The following TTN variants were observed in gnomAD, a reference collection of about 807,000 sequenced individuals.
TTN encodes the protein connectin.
In TTN, 1,525 loss-of-function variants were observed where a neutral mutation model predicts 3,223.0. The ratio of observed to expected loss-of-function variants is 0.47; its 90% CI spans 0.45 to 0.49. TTN has a LOEUF of 0.49. Ranked by LOEUF, TTN falls within the 20% of genes least tolerant of loss-of-function variation. The pLI is 0.00. For missense variants in TTN, 40,786 were observed against 43,424.0 expected (o/e 0.94, Z 5.40); for synonymous variants, 14,094 against 15,161.0 (o/e 0.93, Z 5.17).
chr2:178,720,195 G>A lies in TTN; in HGVS notation c.23447C>T (p.Ala7816Val). 6.2e-7 allele frequency: 1 copy of A among 1,613,744 alleles called. No homozygotes were observed. Among genetic ancestry groups the A allele is most frequent in the East Asian group, 2.2e-5 (1 of 44,864 alleles). Residue 7816 changes from alanine to valine, a missense_variant, in exon 81 of 363, where the codon GCC becomes GTC. By Grantham distance (64) the Ala-to-Val change is moderately conservative. Coordinates refer to ENST00000589042, the MANE Select transcript of TTN (RefSeq NM_001267550.2). The part of the protein sequence containing the change: ...TLIGDAVELR[A>V]IVEGFQPISV... ...AATTGGCTGGAAGCCCTCCACTATGGCCCGTAACTCAACAGCATCCCCAAT... is the reference window on the plus strand; with the variant it reads ...AATTGGCTGGAAGCCCTCCACTATGACCCGTAACTCAACAGCATCCCCAAT...
chr2:178,652,306 G>A lies in TTN; in HGVS notation c.39169C>T (p.Pro13057Ser). Residue 13057 changes from proline to serine, a missense_variant, in exon 203 of 363, where the codon CCA becomes TCA. Pro to Ser is a moderately conservative substitution (Grantham distance 74). Transcript: ENST00000589042. ...PKEVVPEKKVPVPPPKKPEVP... is the reference protein window; with the variant it reads ...PKEVVPEKKVSVPPPKKPEVP... ...TCAGGCTTTTTAGGAGGAGGCACTG[G>A]CACTTTCTTTTCAGGAACAACTTCT... The A allele has an allele frequency of 6.2e-7, 1 of 1,613,696 alleles. No individual in the cohort carries two copies. The highest frequency in any genetic ancestry group is 8.5e-7 in the Non-Finnish European group (1 of 1,179,712).
Position 178,562,800 on chromosome 2 carries a change from C to A in TTN, c.83332G>T (p.Val27778Leu), listed in dbSNP as rs749009127. The change falls in exon 326 of 363, where the codon GTG becomes TTG. Residue 27778 changes from valine to leucine, a missense_variant. Transcript: ENST00000589042. Reference protein sequence around the residue: ...SAPVNLTIREVKKDSVTLSWE... With the variant: ...SAPVNLTIRELKKDSVTLSWE... Reference sequence around the variant, plus strand: ...GACAACGTCACTGAGTCTTTCTTCACTTCTCTTATGGTCAAATTCACAGGG... The same window carrying A: ...GACAACGTCACTGAGTCTTTCTTCAATTCTCTTATGGTCAAATTCACAGGG... The A allele has an allele frequency of 7.4e-6, 12 of 1,613,146 alleles. No homozygotes were observed. The East Asian group carries it at 1.6e-4, about 21-fold the overall frequency.
At chr2:178,652,231 C>T (rs1390393044) in intron 203 of TTN, 33 bp downstream of exon 203, 1 of 1,612,930 alleles carries the variant, frequency 6.2e-7, no homozygotes, top group South Asian at 1.1e-5. Flanking sequence ...GACAAACAAA[C>T]AATATCAAAC....
chr2:178,583,404 T>G (rs1046546545), intron 312 of TTN, 177 bp from the exon 313 acceptor site: 28 of 836,710 alleles, frequency 3.3e-5, no homozygotes, highest in Non-Finnish European at 4.3e-5. Flanking sequence ...CTATTGAAAT[T>G]ATATAGTTGC....
Position 178,603,929 on chromosome 2 carries a change from C to G in TTN, c.54758G>C (p.Gly18253Ala). Reference protein sequence around the residue: ...QFRAMAINAAGIGPPSEPSDP... With the variant: ...QFRAMAINAAAIGPPSEPSDP... ...TGATGGTTCACTGGGAGGACCAATT[C>G]CTGCAGCATTTATTGCCATGGCTCT... is the stretch of plus-strand genomic sequence containing the variant. The change falls in exon 282 of 363, where the codon GGA becomes GCA. Residue 18253 changes from glycine (G) to alanine (A), a missense_variant. Gly to Ala is a moderately conservative substitution (Grantham distance 60, BLOSUM62 0). Coordinates refer to ENST00000589042, the MANE Select transcript of TTN (RefSeq NM_001267550.2). The G allele has an allele frequency of 6.2e-7, 1 of 1,612,034 alleles. No individual in the cohort carries two copies. Among genetic ancestry groups the G allele is most frequent in the Non-Finnish European group, 8.5e-7 (1 of 1,178,688 alleles).
chr2:178,591,275 T>C lies in TTN; in HGVS notation c.60450A>G (p.Gln20150=). 6.2e-7 allele frequency: 1 copy of C among 1,613,276 alleles called. No individual in the cohort carries two copies. Among genetic ancestry groups the C allele is most frequent in the Non-Finnish European group, 8.5e-7 (1 of 1,179,486 alleles). The change falls in exon 304 of 363, where the codon CAA becomes CAG. Residue 20150 remains glutamine (Q), a synonymous_variant. Transcript: ENST00000589042. ...NCLRRDTGEY[Q]ITVSNAAGSK... is the part of the protein sequence containing the mutation. ...TACCGGCTGCATTGGAAACTGTGAT[T>C]TGATATTCCCCAGTGTCTCTCCTTA... is the stretch of plus-strand genomic sequence containing the variant.
chr2:178,580,563 T>C lies in TTN; in HGVS notation c.66816A>G (p.Ile22272Met), dbSNP rs1460711951. ...ELDADLRKTL[I>M]LRAGVTMRLY... ...GTCTCATAGTAACTCCAGCACGTAATATGAGTGTCTTCCTTAAGTCCGCAT... is the reference window on the plus strand; with the variant it reads ...GTCTCATAGTAACTCCAGCACGTAACATGAGTGTCTTCCTTAAGTCCGCAT... Residue 22272 changes from isoleucine (I) to methionine (M), a missense_variant, in exon 317 of 363, where the codon ATA (isoleucine) becomes ATG (methionine). Transcript: ENST00000589042. 2 of 1,612,316 alleles carry C rather than the reference T, an allele frequency of 1.2e-6. No individual in the cohort carries two copies. Among genetic ancestry groups the C allele is most frequent in the Non-Finnish European group, 1.7e-6 (2 of 1,179,200 alleles).
rs770654036 is a variant in TTN, at chr2:178,537,474, T to C, written c.99733A>G (p.Ile33245Val). ...TGAGTATAGTGCTCAGTGTTTTCAA[T>C]AGTAATGTTTTCTGAGTTTTGCAAA... ...KLLQNSENIT[I>V]ENTEHYTHLV... The change falls in exon 355 of 363, where the codon ATT (isoleucine) becomes GTT (valine). Residue 33245 changes from isoleucine to valine, a missense_variant. Ile to Val is a conservative substitution (Grantham distance 29, BLOSUM62 3). Transcript: ENST00000589042. 3.7e-6 allele frequency: 6 copies of C among 1,613,538 alleles called. No individual in the cohort carries two copies. In the South Asian group the frequency reaches 6.6e-5, roughly 18 times the overall value.
At position 178,590,913 on chromosome 2, in the gene TTN, G is replaced by C. The variant is rs367633145; in HGVS notation, c.60812C>G (p.Pro20271Arg). The change falls in exon 304 of 363, where the codon CCT (proline) becomes CGT (arginine). Residue 20271 changes from proline (P) to arginine (R), a missense_variant. Transcript: ENST00000589042. ...TPTVAKHKFSPPSPPGKPVVT... is the reference protein window; with the variant it reads ...TPTVAKHKFSRPSPPGKPVVT... ...CACTGGTTTACCAGGAGGAGACGGA[G>C]GACTAAATTTATGCTTAGCAACAGT... 3 of 1,612,570 alleles carry C rather than the reference G, an allele frequency of 1.9e-6. No homozygotes were observed. Among genetic ancestry groups the C allele is most frequent in the African/African-American group, 2.7e-5 (2 of 74,858 alleles).
intron 155 of TTN, 147 bp downstream of exon 155, chr2:178,671,824 A>G (rs2067037857): frequency 1.3e-6 from 1 of 762,860 alleles, no homozygotes; most frequent in Admixed American, 3.2e-5. Flanking sequence ...TGGTTAAGAG[A>G]TATTAATCTT....
chr2:178,601,568 T>G lies in TTN; in HGVS notation c.55433-4A>C, dbSNP rs1451088765. The stretch of plus-strand genomic sequence containing the variant: ...TCTTTGGGTGGGCCTGGTACATCTG[T>G]TGGATGTAAATCACAATATAAGCAA... On this transcript the variant is annotated splice_polypyrimidine_tract_variant and splice_region_variant and intron_variant, in intron 286 of 362. Transcript: ENST00000589042. 6.2e-7 allele frequency: 1 copy of G among 1,606,822 alleles called. No individual in the cohort carries two copies. The highest frequency in any genetic ancestry group is 8.5e-7 in the Non-Finnish European group (1 of 1,176,260).
Position 178,546,270 on chromosome 2 carries a change from A to G in TTN, c.95061T>C (p.Thr31687=). The change falls in exon 342 of 363, where the codon ACT becomes ACC. Residue 31687 remains threonine (T), a synonymous_variant. Transcript: ENST00000589042. Reference sequence around the variant, plus strand: ...TCCCGCTGGCATTTTTCACTGTTAAAGTGTATTTTCCACTGTCACTTCTGT... The same window carrying G: ...TCCCGCTGGCATTTTTCACTGTTAAGGTGTATTTTCCACTGTCACTTCTGT... ...FCDRSDSGKY[T]LTVKNASGTK... is the part of the protein sequence containing the mutation. 6.2e-7 allele frequency: 1 copy of G among 1,613,804 alleles called. No homozygotes were observed. The highest frequency in any genetic ancestry group is 1.1e-5 in the South Asian group (1 of 91,070).
chr2:178,588,973 CA>C lies in TTN; in HGVS notation c.62751del (p.Val20918SerfsTer2), dbSNP rs1158911896. 1 of 1,612,252 alleles carries C rather than the reference CA, an allele frequency of 6.2e-7. No individual in the cohort carries two copies. Among genetic ancestry groups the C allele is most frequent in the Non-Finnish European group, 8.5e-7 (1 of 1,179,360 alleles). ...GTTACTGTAGTACCAGGTGTCAAGACAGTAGCAGAATAGGTAGACCAAACCA... is the reference window on the plus strand; with the variant it reads ...GTTACTGTAGTACCAGGTGTCAAGACGTAGCAGAATAGGTAGACCAAACCA... ...KRMVWSTYSA[T>X]VLTPGTTVTR... On this transcript the variant is annotated frameshift_variant, in exon 304 of 363. Transcript: ENST00000589042. LOFTEE classifies it high-confidence loss of function.
intron 348 of TTN, 41 bp from the exon 349 acceptor site, chr2:178,542,604 A>G (rs1695112020): frequency 6.3e-7 from 1 of 1,593,426 alleles, no homozygotes; most frequent in Admixed American, 1.7e-5. Flanking sequence ...TTTTTACTTC[A>G]AATCAAAATT....
rs1553875094 is a variant in TTN, at chr2:178,702,243, C to T, written c.30436G>A (p.Val10146Ile). 1 of 1,613,972 alleles carries T rather than the reference C, an allele frequency of 6.2e-7. No homozygotes were observed. Among genetic ancestry groups the T allele is most frequent in the Middle Eastern group, 1.6e-4 (1 of 6,062 alleles). The change falls in exon 108 of 363, where the codon GTC (valine) becomes ATC (isoleucine). Residue 10146 changes from valine to isoleucine, a missense_variant and splice_region_variant. By Grantham distance (29) the Val-to-Ile change is conservative. Transcript: ENST00000589042. ...IHNVTPDDEG[V>I]YSVIARLEPR... ...TCCAGCCGAGCGATGACCGAGTAGA[C>T]ACCTAGGGTGAAAAATCATCCAACT... is the stretch of plus-strand genomic sequence containing the variant.
chr2:178,570,662 C>A lies in TTN; in HGVS notation c.75470G>T (p.Arg25157Leu). Reference sequence around the variant, plus strand: ...AAAGTCGGTGCTCTTTATTTCTAATCGAGCTGTGTTTGAAAGCTCCTGATC... The same window carrying A: ...AAAGTCGGTGCTCTTTATTTCTAATAGAGCTGTGTTTGAAAGCTCCTGATC... The part of the protein sequence containing the change: ...KGDQELSNTA[R>L]LEIKSTDFAT... The change falls in exon 326 of 363, where the codon CGA becomes CTA. Residue 25157 changes from arginine (R) to leucine (L), a missense_variant. By Grantham distance (102) the Arg-to-Leu change is moderately radical (BLOSUM62 -2). Coordinates refer to ENST00000589042, the MANE Select transcript of TTN (RefSeq NM_001267550.2). 1 of 1,613,460 alleles carries A rather than the reference C, an allele frequency of 6.2e-7. No individual in the cohort carries two copies. The highest frequency in any genetic ancestry group is 8.5e-7 in the Non-Finnish European group (1 of 1,179,596).
At chr2:178,758,881 G>T in intron 44 of TTN, 103 bp downstream of exon 44, 2 of 1,202,848 alleles carry the variant, frequency 1.7e-6, no homozygotes, top group Non-Finnish European at 2.5e-6. Flanking sequence ...GAAGAGAATG[G>T]TAGGAACAAC....
chr2:178,665,832 A>G (rs2065836840), intron 163 of TTN, 41 bp from the exon 164 acceptor site: 2 of 1,054,652 alleles, frequency 1.9e-6, no homozygotes, highest in East Asian at 3.1e-5. Context: ...AGTTATGAAG[A>G]GGAGTAAAGA....
rs1381535545 is a variant in TTN, at chr2:178,735,981, G to A, written c.14465C>T (p.Pro4822Leu). 6 of 1,613,796 alleles carry A rather than the reference G, an allele frequency of 3.7e-6. No homozygotes were observed. Among genetic ancestry groups the A allele is most frequent in the Non-Finnish European group, 5.1e-6 (6 of 1,179,790 alleles). Reference sequence around the variant, plus strand: ...TTTCTGCCAAATGGTTTCTATCACAGGAGTCCCTGTCACTGTGCAGATGAA... The same window carrying A: ...TTTCTGCCAAATGGTTTCTATCACAAGAGTCCCTGTCACTGTGCAGATGAA... ...AKFICTVTGT[P>L]VIETIWQKDG... Residue 4822 changes from proline (P) to leucine (L), a missense_variant, in exon 50 of 363, where the codon CCT (proline) becomes CTT (leucine). Physicochemically the swap from Pro to Leu is moderately conservative, Grantham distance 98. Coordinates refer to ENST00000589042, the MANE Select transcript of TTN (RefSeq NM_001267550.2).
Sources: allele counts gnomAD v4.1 joint callset, GRCh38; gene constraint gnomAD v4.1.1; transcripts MANE v1.5; gene names NCBI Gene and HGNC (gene_info 2026-07-23, HGNC 2026-07-21).